The following UNC5D variants were observed in gnomAD, a reference collection of about 807,000 sequenced individuals.
UNC5D encodes netrin receptor UNC5D.
In UNC5D, 39 loss-of-function variants were observed where a neutral mutation model predicts 105.4. That is an observed-to-expected ratio of 0.37 (90% CI 0.29 to 0.48). The LOEUF (loss-of-function observed/expected upper bound fraction) is 0.48, where lower values mean the gene tolerates loss of function less well. Ranked by LOEUF, UNC5D falls within the 20% of genes least tolerant of loss-of-function variation. The probability of loss-of-function intolerance (pLI) is 0.98; values close to 1 mark genes in which losing one functional copy is unlikely to be tolerated. For missense variants in UNC5D, 991 were observed against 1,202.4 expected (o/e 0.82, Z 2.60); for synonymous variants, 452 against 450.4 (o/e 1.00, Z -0.04).
chr8:35,586,254 A>G (rs1435666438), intron 3 of UNC5D, among the ~76,000 whole-genome samples: 1 of 152,228 alleles, frequency 6.6e-6, no homozygotes, highest in African/African-American at 2.4e-5. Context: ...AGCCTAGGTG[A>G]CAAAGTGAGA....
At chr8:35,255,986 A>C (rs1416560796) in intron 1 of UNC5D, 1 of 152,176 alleles carries the variant, frequency 6.6e-6, no homozygotes, top group Non-Finnish European at 1.5e-5. Context: ...TGAAGGTCTC[A>C]ATTTATTCAT....
chr8:35,565,305 A>G (rs1218999680), intron 2 of UNC5D, among the ~76,000 whole-genome samples: 3 of 152,118 alleles, frequency 2.0e-5, no homozygotes, highest in Non-Finnish European at 4.4e-5. Context: ...GTGGTAGCTT[A>G]TGGTGGTTTT....
At chr8:35,628,043 A>G (rs1017125040) in intron 4 of UNC5D, among the ~76,000 whole-genome samples, 3 of 152,178 alleles carry the variant, frequency 2.0e-5, no homozygotes, top group African/African-American at 7.2e-5. Context: ...GGATAATACC[A>G]TGTTTCATAG....
At chr8:35,240,117 G>GTGTT (rs746873886) in intron 1 of UNC5D, among the ~76,000 whole-genome samples, 5 of 151,874 alleles carry the variant, frequency 3.3e-5, no homozygotes, top group Non-Finnish European at 5.9e-5. Context: ...TTTTTTGTGT[G>GTGTT]TGTTTGTTTG....
chr8:35,679,489 T>C (rs190279248), intron 4 of UNC5D, among the ~76,000 whole-genome samples: 213 of 152,126 alleles, frequency 1.4e-3, no homozygotes, highest in African/African-American at 4.8e-3. Context: ...CTTTGAACTT[T>C]AGAAAGTTCA....
chr8:35,360,974 A>AT (rs990931387), intron 1 of UNC5D, among the ~76,000 whole-genome samples: 3 of 152,004 alleles, frequency 2.0e-5, no homozygotes, highest in Non-Finnish European at 4.4e-5. Flanking sequence ...TTTTAAAAAG[A>AT]TTTTTTAAAA....
chr8:35,393,111 A>G (rs1803875204), intron 1 of UNC5D, among the ~76,000 whole-genome samples: 1 of 150,242 alleles, frequency 6.7e-6, no homozygotes, highest in Non-Finnish European at 1.5e-5. Context: ...TAAATATCTA[A>G]ATACCTATTC....
At chr8:35,760,154 C>T (rs181279947) in intron 14 of UNC5D, among the ~76,000 whole-genome samples, 2 of 145,664 alleles carry the variant, frequency 1.4e-5, no homozygotes, top group Non-Finnish European at 2.9e-5. Context: ...AGCGATTCTC[C>T]TGCCTCAGCC....
intron 1 of UNC5D, among the ~76,000 whole-genome samples, chr8:35,397,531 C>T (rs1173067467): frequency 6.6e-6 from 1 of 152,200 alleles, no homozygotes; most frequent in Non-Finnish European, 1.5e-5. Context: ...TAATTACACA[C>T]ACAGCAGATG....
chr8:35,575,107 G>A (rs1274342690), intron 3 of UNC5D, among the ~76,000 whole-genome samples: 1 of 152,138 alleles, frequency 6.6e-6, no homozygotes, highest in Non-Finnish European at 1.5e-5. Context: ...AGTTTTCAAA[G>A]CATCGATTTA....
chr8:35,678,853 T>C (rs1282487895), intron 4 of UNC5D, among the ~76,000 whole-genome samples: 1 of 152,152 alleles, frequency 6.6e-6, no homozygotes, highest in Admixed American at 6.5e-5. Flanking sequence ...CTCTCTTTCT[T>C]CTATCAAAAA....
intron 1 of UNC5D, among the ~76,000 whole-genome samples, chr8:35,398,809 C>A (rs747830810): frequency 6.6e-6 from 1 of 152,036 alleles, no homozygotes; most frequent in Non-Finnish European, 1.5e-5. Context: ...CTTCAAATTT[C>A]ATTTCATTCT....
intron 1 of UNC5D, among the ~76,000 whole-genome samples, chr8:35,513,298 G>A (rs1174152925): frequency 1.4e-5 from 2 of 146,804 alleles, no homozygotes; most frequent in African/African-American, 2.6e-5. Flanking sequence ...GTGCAGTCTC[G>A]GCTCACTGCA....
At chr8:35,575,509 T>TAGGAAGCATGAGAATTA (rs1427464027) in intron 3 of UNC5D, among the ~76,000 whole-genome samples, 4 of 152,164 alleles carry the variant, frequency 2.6e-5, no homozygotes, top group Non-Finnish European at 5.9e-5. Flanking sequence ...GAATGGAAGT[T>TAGGAAGCATGAGAATTA]AGGAAGCATG....
intron 1 of UNC5D, among the ~76,000 whole-genome samples, chr8:35,430,108 G>T (rs542721082): frequency 6.6e-6 from 1 of 152,112 alleles, no homozygotes; most frequent in South Asian, 2.1e-4. Flanking sequence ...GATGGTGACT[G>T]GTCACTAAAA....
intron 1 of UNC5D, among the ~76,000 whole-genome samples, chr8:35,299,540 T>C (rs1164875743): frequency 6.6e-6 from 1 of 152,116 alleles, no homozygotes; most frequent in Non-Finnish European, 1.5e-5. Flanking sequence ...AAATAAAAAA[T>C]ACATAAAGCG....
In UNC5D at chr8:35,759,298, T is replaced by C. The variant is rs546276685; in HGVS notation, c.2164-22T>C. ...GCAGGATATTTCATTATTGATCTTA[T>C]TTTCTTTTTCTTCTCCTATAGGAAG... is the stretch of plus-strand genomic sequence containing the variant. On this transcript the variant is annotated intron_variant, in intron 13 of 16. Coordinates refer to ENST00000404895, the MANE Select transcript of UNC5D (RefSeq NM_080872.4). The C allele has an allele frequency of 1.9e-6, 3 of 1,609,688 alleles. No individual in the cohort carries two copies. In the South Asian group the frequency reaches 3.3e-5, roughly 18 times the overall value.
chr8:35,259,123 G>A (rs983359817), intron 1 of UNC5D, among the ~76,000 whole-genome samples: 1 of 152,202 alleles, frequency 6.6e-6, no homozygotes, highest in Non-Finnish European at 1.5e-5. Context: ...CTGTGGTGTT[G>A]AGCTCTAAAC....
At chr8:35,366,447 C>T (rs1335362631) in intron 1 of UNC5D, among the ~76,000 whole-genome samples, 2 of 152,034 alleles carry the variant, frequency 1.3e-5, no homozygotes, top group Admixed American at 6.6e-5. Flanking sequence ...TGTAACTTCT[C>T]AGGCAGTATT....
Sources: gnomAD v4.1 joint callset for allele counts (sites outside exome capture counted in the v4.1 genomes callset) on GRCh38, gnomAD v4.1.1 for gene constraint, MANE v1.5 for transcripts, NCBI Gene and HGNC (gene_info 2026-07-23, HGNC 2026-07-21) for gene names.